Variants in NEURL1 observed in about 807,000 individuals in gnomAD.
NEURL1 encodes the protein E3 ubiquitin-protein ligase NEURL1.
A neutral mutation model predicts 41.2 loss-of-function variants in NEURL1; 26 were observed. The observed-to-expected ratio is 0.63, with a 90% CI of 0.46 to 0.87. The LOEUF is 0.87. NEURL1 is among the 40% of genes least tolerant of loss of function. The pLI is 0.00. For synonymous variants in NEURL1, 400 were observed against 402.3 expected (o/e 0.99, Z 0.07); for missense variants, 761 against 871.1 (o/e 0.87, Z 1.59).
At chr10:103,569,637 G>A (rs2035495648) in intron 1 of NEURL1, among the ~76,000 whole-genome samples, 1 of 152,186 alleles carries the variant, frequency 6.6e-6, no homozygotes, top group Non-Finnish European at 1.5e-5. Flanking sequence ...CTTCTTCCAG[G>A]CAGCCTTTCC....
chr10:103,556,521 G>T lies in NEURL1; in HGVS notation c.86-14351G>T, dbSNP rs901429935. Among the ~76,000 whole-genome samples, 4 of 152,150 alleles carry T rather than the reference G, an allele frequency of 2.6e-5. No individual in the cohort carries two copies. The highest frequency in any genetic ancestry group is 4.4e-5 in the Non-Finnish European group (3 of 68,016). On this transcript the variant is annotated intron_variant, in intron 1 of 5. Transcript: ENST00000369780. This position sits in a 1 kb window ranked among gnomAD's most constrained non-coding sequence, Gnocchi z 4.4. Reference sequence around the variant, plus strand: ...AAGGAAGGAGGGTGGTGGCAGGAGCGCATGGGCAGCCGCAGCCGGAACTGG... The same window carrying T: ...AAGGAAGGAGGGTGGTGGCAGGAGCTCATGGGCAGCCGCAGCCGGAACTGG...
intron 3 of NEURL1, among the ~76,000 whole-genome samples, chr10:103,583,497 C>G (rs1388475299): frequency 3.3e-5 from 5 of 151,884 alleles, no homozygotes; most frequent in Admixed American, 3.3e-4. Context: ...AGGAGGATCG[C>G]TTGAGCCTAG....
chr10:103,555,544 C>A, intron 1 of NEURL1: 2 of 717,170 alleles, frequency 2.8e-6, no homozygotes, highest in Non-Finnish European at 3.8e-6. Flanking sequence ...GGGTCTGGGG[C>A]TGTGTGGGGG....
At chr10:103,574,106 G>A (rs1462906895) in intron 3 of NEURL1, among the ~76,000 whole-genome samples, 2 of 152,204 alleles carry the variant, frequency 1.3e-5, no homozygotes, top group Non-Finnish European at 2.9e-5. Flanking sequence ...CAGGGGCAGG[G>A]TGGGGGACGA....
chr10:103,510,945 C>T (rs556052674), intron 1 of NEURL1, among the ~76,000 whole-genome samples: 6 of 152,298 alleles, frequency 3.9e-5, no homozygotes, highest in Non-Finnish European at 8.8e-5. Flanking sequence ...GGCCACCCCC[C>T]GCCGCTGTTT....
At chr10:103,516,708 G>T (rs893731358) in intron 1 of NEURL1, among the ~76,000 whole-genome samples, 11 of 152,106 alleles carry the variant, frequency 7.2e-5, no homozygotes, top group African/African-American at 2.7e-4. Flanking sequence ...ACAGTGCAGT[G>T]GTTCTCTAAG....
chr10:103,544,726 G>A, intron 1 of NEURL1, among the ~76,000 whole-genome samples: 1 of 152,214 alleles, frequency 6.6e-6, no homozygotes, highest in East Asian at 1.9e-4. Flanking sequence ...CAGGGTTGAG[G>A]TTGTGAGGGG....
intron 1 of NEURL1, among the ~76,000 whole-genome samples, chr10:103,526,745 C>T (rs1003066895): frequency 6.6e-6 from 1 of 152,058 alleles, no homozygotes; most frequent in African/African-American, 2.4e-5. Context: ...CTCCTGACGT[C>T]ATGATCCACC....
In NEURL1 at chr10:103,566,437, TATC is replaced by T. The variant is rs2035426166; in HGVS notation, c.86-4432_86-4430del. ...CTCTCTAGTTTTGCCTTTTCCAAAA[TATC>T]ATACGGATGGAATCGTACAGCATAC... is the stretch of plus-strand genomic sequence containing the variant. On this transcript the variant is annotated intron_variant, in intron 1 of 5. Coordinates refer to ENST00000369780, the MANE Select transcript of NEURL1 (RefSeq NM_004210.5). The surrounding 1 kb of genome is among the most constrained non-coding windows in gnomAD (Gnocchi z 4.2). Among the ~76,000 whole-genome samples, 1 of 152,212 alleles carries T rather than the reference TATC, an allele frequency of 6.6e-6. No individual in the cohort carries two copies. The highest frequency in any genetic ancestry group is 2.1e-4 in the South Asian group (1 of 4,826).
In NEURL1 at chr10:103,590,837, G is replaced by T. The variant is rs1327938475; in HGVS notation, c.*465G>T. On this transcript the variant is annotated 3_prime_UTR_variant, in exon 6 of 6. Coordinates refer to ENST00000369780, the MANE Select transcript of NEURL1 (RefSeq NM_004210.5). The stretch of plus-strand genomic sequence containing the variant: ...CATGGAGTGGATTTTAGGCTCATTT[G>T]CCCTCTCAGCCAACTGCCCTTGAGC... 5.3e-6 allele frequency: 1 copy of T among 187,448 alleles called. No individual in the cohort carries two copies. The highest frequency in any genetic ancestry group is 5.4e-5 in the Admixed American group (1 of 18,588). The allele number at this position is 187,448 out of a possible 1,614,324, so 11.6% of individuals were successfully genotyped here.
intron 1 of NEURL1, among the ~76,000 whole-genome samples, chr10:103,498,155 A>G (rs1358701741): frequency 6.6e-6 from 1 of 152,240 alleles, no homozygotes; most frequent in East Asian, 1.9e-4. Flanking sequence ...TGCCTCTTGG[A>G]GAAAAATACA....
chr10:103,571,886 C>T, intron 3 of NEURL1, 64 bp downstream of exon 3: 3 of 1,461,284 alleles, frequency 2.1e-6, no homozygotes, highest in South Asian at 1.3e-5. Flanking sequence ...GGCACTGCAG[C>T]CTGGCACTGT....
At chr10:103,500,818 C>T (rs1475376188) in intron 1 of NEURL1, among the ~76,000 whole-genome samples, 3 of 152,212 alleles carry the variant, frequency 2.0e-5, no homozygotes, top group Non-Finnish European at 4.4e-5. Context: ...AGCTCAGACC[C>T]GCTGACTCAG....
At chr10:103,575,497 G>C (rs998679276) in intron 3 of NEURL1, among the ~76,000 whole-genome samples, 1 of 152,232 alleles carries the variant, frequency 6.6e-6, no homozygotes, top group Non-Finnish European at 1.5e-5. Context: ...CCTTAGACCA[G>C]AGGCTTCCCA....
chr10:103,553,849 G>A (rs544171808), intron 1 of NEURL1, among the ~76,000 whole-genome samples: 56 of 152,340 alleles, frequency 3.7e-4, no homozygotes, highest in African/African-American at 1.3e-3. Flanking sequence ...CAGACCTTGA[G>A]GACAGGGGCT....
Position 103,584,817 on chromosome 10 carries a change from C to G in NEURL1, c.931C>G (p.Gln311Glu). 2.1e-6 allele frequency: 3 copies of G among 1,422,282 alleles called. No homozygotes were observed. Among genetic ancestry groups the G allele is most frequent in the Non-Finnish European group, 2.7e-6 (3 of 1,095,434 alleles). The allele number at this position is 1,422,282 out of a possible 1,614,324, so 88.1% of individuals were successfully genotyped here. Residue 311 changes from glutamine (Q) to glutamate (E), a missense_variant, in exon 4 of 6, where the codon CAG (glutamine) becomes GAG (glutamate). Physicochemically the swap from Gln to Glu is conservative, Grantham distance 29. Around this residue, in one of 5 missense-constraint regions of NEURL1, gnomAD observed 443 missense variants for 408.1 expected, o/e 1.09. Transcript: ENST00000369780. ...AGAHVRILDEQTVARVEHGRD... is the reference protein window; with the variant it reads ...AGAHVRILDEETVARVEHGRD... ...CGCGCACGTCCGCATCCTCGACGAG[C>G]AGACGGTGGCGCGCGTGGAGCACGG...
intron 1 of NEURL1, among the ~76,000 whole-genome samples, chr10:103,512,968 T>G (rs2034108258): frequency 6.6e-6 from 1 of 152,036 alleles, no homozygotes; most frequent in African/African-American, 2.4e-5. Context: ...GCCTCACTCC[T>G]TCCCCGTCTT....
rs142254652 is a variant in NEURL1, at chr10:103,590,166, G to A, written c.1519G>A (p.Glu507Lys). 55 of 1,614,072 alleles carry A rather than the reference G, an allele frequency of 3.4e-5. No individual in the cohort carries two copies. In the African/African-American group the frequency reaches 5.2e-4, roughly 15 times the overall value. The change falls in exon 6 of 6, where the codon GAG (glutamate) becomes AAG (lysine). Residue 507 changes from glutamate to lysine, a missense_variant. By Grantham distance (56) the Glu-to-Lys change is moderately conservative. Coordinates refer to ENST00000369780, the MANE Select transcript of NEURL1 (RefSeq NM_004210.5). ...CCCCAATTCGCCAGTGAGCCTGCCC[G>A]AGTCGCCAGTGACCCCAGGTCTGGG... ...TAPNSPVSLP[E>K]SPVTPGLGQW...
intron 1 of NEURL1, among the ~76,000 whole-genome samples, chr10:103,563,282 A>G (rs56724845): frequency 0.029 from 4,426 of 152,304 alleles, 216 homozygotes; most frequent in African/African-American, 0.1. Flanking sequence ...GCCTCACTAC[A>G]GCCTAGAGAG....
Sources: gnomAD v4.1 joint callset for allele counts (sites outside exome capture counted in the v4.1 genomes callset) on GRCh38, gnomAD v4.1.1 for gene constraint, gnomAD v4.1.1 regional missense constraint, Gnocchi (gnomAD v3.1) non-coding constraint, MANE v1.5 for transcripts, NCBI Gene and HGNC (gene_info 2026-07-23, HGNC 2026-07-21) for gene names.